Variants in SULF1 observed in about 807,000 individuals in gnomAD.
SULF1 encodes the protein sulfatase 1, also known as extracellular sulfatase Sulf-1.
A neutral mutation model predicts 110.5 loss-of-function variants in SULF1; 46 were observed. The observed-to-expected ratio is 0.42, with a 90% CI of 0.33 to 0.53. SULF1 has a LOEUF of 0.53. Among genes scored for constraint, SULF1 ranks in the 20% least tolerant of loss-of-function variants. SULF1 has a pLI of 0.12. For synonymous variants in SULF1, 371 were observed against 387.1 expected, an observed-to-expected ratio of 0.96 and a Z score of 0.49; for missense variants, 941 against 1,094.2, an observed-to-expected ratio of 0.86 and a Z score of 1.98.
intron 6 of SULF1, among the ~76,000 whole-genome samples, chr8:69,585,020 G>A (rs1400255028): frequency 3.9e-5 from 6 of 152,164 alleles, no homozygotes; most frequent in Non-Finnish European, 5.9e-5. Flanking sequence ...ATGGATATAA[G>A]CGAGGGCACC....
intron 3 of SULF1, among the ~76,000 whole-genome samples, chr8:69,514,721 A>C (rs1251414102): frequency 6.6e-6 from 1 of 152,216 alleles, no homozygotes; most frequent in Non-Finnish European, 1.5e-5. Context: ...CAAGTTAGTT[A>C]CTTCCAAGAT....
At chr8:69,476,755 A>T (rs1809315600) in intron 1 of SULF1, among the ~76,000 whole-genome samples, 3 of 152,344 alleles carry the variant, frequency 2.0e-5, no homozygotes, top group African/African-American at 4.8e-5. Flanking sequence ...GTTGCCAGAC[A>T]TGAGGGATTA....
At chr8:69,474,475 G>A (rs570507678) in intron 1 of SULF1, among the ~76,000 whole-genome samples, 3 of 152,294 alleles carry the variant, frequency 2.0e-5, no homozygotes, top group Admixed American at 6.5e-5. Context: ...CGTGCATCCA[G>A]AAATTCTTGA....
At chr8:69,657,808 A>C (rs1241524284) in intron 22 of SULF1, among the ~76,000 whole-genome samples, 1 of 152,212 alleles carries the variant, frequency 6.6e-6, no homozygotes, top group Non-Finnish European at 1.5e-5. Flanking sequence ...TATTTTCTGC[A>C]GGGCTACAGT....
At chr8:69,483,693 G>A (rs113541066) in intron 1 of SULF1, among the ~76,000 whole-genome samples, 2,744 of 152,222 alleles carry the variant, frequency 0.018, 93 homozygotes, top group African/African-American at 0.063. Flanking sequence ...AGAGGCTGAG[G>A]CAGGAGGATC....
chr8:69,473,376 G>C (rs1263979672), intron 1 of SULF1: 1 of 152,168 alleles, frequency 6.6e-6, no homozygotes, highest in Non-Finnish European at 1.5e-5. Context: ...GACAGATTGT[G>C]TTTCTCAATC....
At chr8:69,497,665 G>A (rs1443795090) in intron 2 of SULF1, among the ~76,000 whole-genome samples, 3 of 152,168 alleles carry the variant, frequency 2.0e-5, no homozygotes, top group Non-Finnish European at 4.4e-5. Flanking sequence ...TTTCCACTAA[G>A]GACTGTTATT....
intron 3 of SULF1, among the ~76,000 whole-genome samples, chr8:69,549,128 C>T (rs1005394938): frequency 3.3e-5 from 5 of 152,188 alleles, no homozygotes; most frequent in South Asian, 2.1e-4. Context: ...AGCAATCCTG[C>T]TCCTGCCATG....
intron 3 of SULF1, among the ~76,000 whole-genome samples, chr8:69,522,916 G>GA (rs1296734815): frequency 1.3e-5 from 2 of 152,048 alleles, no homozygotes; most frequent in Non-Finnish European, 2.9e-5. Flanking sequence ...AATGGAAGAA[G>GA]AAAAAAACAA....
intron 22 of SULF1, among the ~76,000 whole-genome samples, chr8:69,654,476 CCA>C (rs1182877896): frequency 6.6e-6 from 1 of 152,196 alleles, no homozygotes; most frequent in Non-Finnish European, 1.5e-5. Flanking sequence ...ACTGTTAACC[CCA>C]GTTTTGCCAG....
chr8:69,493,144 T>C lies in SULF1; in HGVS notation c.-391+19T>C, dbSNP rs1043160552. On this transcript the variant is annotated intron_variant, in intron 1 of 22. Transcript: ENST00000402687. ...GGCTTTTGTAAGTATCGTGCTCTGC[T>C]TTTACTTTAAAAAGAAAGAAGACAA... 18 of 152,778 alleles carry C rather than the reference T, an allele frequency of 1.2e-4. No homozygotes were observed. The highest frequency in any genetic ancestry group is 4.3e-4 in the African/African-American group (18 of 41,580). 9.5% of individuals were successfully genotyped at this position (152,778 alleles called of 1,614,324 possible).
At chr8:69,654,823 T>G (rs959190608) in intron 22 of SULF1, among the ~76,000 whole-genome samples, 2 of 152,198 alleles carry the variant, frequency 1.3e-5, no homozygotes, top group African/African-American at 4.8e-5. Flanking sequence ...AGCAAATGTT[T>G]TAACTGCCCA....
chr8:69,569,394 T>A (rs1805056004), intron 5 of SULF1, among the ~76,000 whole-genome samples: 1 of 152,164 alleles, frequency 6.6e-6, no homozygotes, highest in South Asian at 2.1e-4. Flanking sequence ...ATTCTGACGT[T>A]TCTTGAAAAT....
upstream of SULF1, among the ~76,000 whole-genome samples, chr8:69,490,562 C>G (rs541673517): frequency 6.6e-6 from 1 of 152,298 alleles, no homozygotes; most frequent in African/African-American, 2.4e-5. Context: ...TGCCTGGCCT[C>G]CCTCACATTC....
chr8:69,565,188 C>T (rs1815785077), intron 5 of SULF1, among the ~76,000 whole-genome samples: 1 of 151,466 alleles, frequency 6.6e-6, no homozygotes, highest in Non-Finnish European at 1.5e-5. Context: ...CAGCAGATGT[C>T]ATTATTGCTG....
At chr8:69,627,092 G>C (rs376241588) in intron 15 of SULF1, 118 bp from the exon 16 acceptor site, 10 of 730,524 alleles carry the variant, frequency 1.4e-5, no homozygotes, top group Admixed American at 2.2e-5. Context: ...TCAGCTCAAC[G>C]GTTACTGCAT....
intron 3 of SULF1, among the ~76,000 whole-genome samples, chr8:69,532,395 A>G (rs78113422): frequency 0.042 from 6,461 of 152,204 alleles, 198 homozygotes; most frequent in African/African-American, 0.084. Flanking sequence ...TTTTAAAGGA[A>G]CTGGACAACA....
chr8:69,640,832 A>T lies in SULF1; in HGVS notation c.2576A>T (p.Asp859Val), dbSNP rs143631855. Residue 859 changes from aspartate (D) to valine (V), a missense_variant, in exon 22 of 23, where the codon GAC becomes GTC. Around this residue, in one of 3 missense-constraint regions of SULF1, gnomAD observed 112 missense variants for 133.5 expected, o/e 0.84. Transcript: ENST00000402687. ...GGAAATAAAGATGGAGGAAGCTATG[A>T]CCTACACAGGTATTCACACTTTTTT... ...DVGNKDGGSYDLHRGQLWDGW... is the reference protein window; with the variant it reads ...DVGNKDGGSYVLHRGQLWDGW... 6.2e-7 allele frequency: 1 copy of T among 1,610,912 alleles called. No individual in the cohort carries two copies. The highest frequency in any genetic ancestry group is 1.1e-5 in the South Asian group (1 of 90,400).
rs181098968 is a variant in SULF1, at chr8:69,618,083, G to A, written c.1378-2952G>A. On this transcript the variant is annotated intron_variant, in intron 13 of 22. Transcript: ENST00000402687. ...TCCAACTGCACATTAGAATCATCTGGGGAGCTTCTGAAAGTCCCTCTGTCC... is the reference window on the plus strand; with the variant it reads ...TCCAACTGCACATTAGAATCATCTGAGGAGCTTCTGAAAGTCCCTCTGTCC... 3.1e-3 allele frequency among the ~76,000 whole-genome samples: 476 copies of A among 152,210 alleles called. 1 individual carries two copies. Among genetic ancestry groups the A allele is most frequent in the Admixed American group, 7.1e-3 (109 of 15,286 alleles).
Sources: allele counts gnomAD v4.1 joint callset (sites outside exome capture counted in the v4.1 genomes callset), GRCh38; gene constraint gnomAD v4.1.1; regional missense constraint gnomAD v4.1.1; transcripts MANE v1.5; gene names NCBI Gene and HGNC (gene_info 2026-07-23, HGNC 2026-07-21).